ZC2HC1B: variants seen among roughly 807,000 people sequenced by gnomAD.
ZC2HC1B encodes the protein zinc finger C2HC-type containing 1B, also known as zinc finger C2HC domain-containing protein 1B.
A neutral mutation model predicts 31.0 loss-of-function variants in ZC2HC1B; 36 were observed. The observed-to-expected ratio is 1.16, with a 90% CI of 0.89 to 1.54. The LOEUF is 1.54. Ranked by LOEUF, ZC2HC1B falls within the 40% of genes most tolerant of loss-of-function variation. The pLI, the probability that ZC2HC1B is intolerant of heterozygous loss-of-function variation, is 0.00. For missense variants in ZC2HC1B, 260 were observed against 268.6 expected (o/e 0.97, Z 0.22); for synonymous variants, 73 against 88.0 (o/e 0.83, Z 0.95).
At position 143,879,553 on chromosome 6, in the gene ZC2HC1B, T is replaced by C. The variant is rs552232136; in HGVS notation, c.29-4751T>C. The stretch of plus-strand genomic sequence containing the variant: ...GATATTGCTAAATATTTGCATGTTC[T>C]GGACTGCAAAGAACTGAAGAGTTCT... On this transcript the variant is annotated intron_variant, in intron 1 of 7. Transcript: ENST00000237275. Among the ~76,000 whole-genome samples, 316 of 152,336 alleles carry C rather than the reference T, an allele frequency of 2.1e-3. 2 individuals carry two copies. Among genetic ancestry groups the C allele is most frequent in the Middle Eastern group, 0.014 (4 of 294 alleles).
intron 6 of ZC2HC1B, among the ~76,000 whole-genome samples, chr6:143,904,240 G>T (rs1051830370): frequency 6.6e-6 from 1 of 152,144 alleles, no homozygotes; most frequent in African/African-American, 2.4e-5. Flanking sequence ...TGTTTTTGTT[G>T]TTGACTTTTA....
intron 1 of ZC2HC1B, among the ~76,000 whole-genome samples, chr6:143,873,403 G>A (rs1777367562): frequency 6.6e-6 from 1 of 152,210 alleles, no homozygotes; most frequent in South Asian, 2.1e-4. Context: ...CAAGCTGTCA[G>A]TGGATCTACC....
intron 1 of ZC2HC1B, among the ~76,000 whole-genome samples, chr6:143,866,062 G>A (rs1218941228): frequency 6.6e-6 from 1 of 152,130 alleles, no homozygotes; most frequent in African/African-American, 2.4e-5. Flanking sequence ...TGATCCGCCC[G>A]CCTCGGCCTC....
rs1187839753 is a variant in ZC2HC1B at position 143,899,449 on chromosome 6, C to T, written c.489+758C>T. Among the ~76,000 whole-genome samples the T allele has an allele frequency of 6.6e-6, 1 of 152,210 alleles. No individual in the cohort carries two copies. Among genetic ancestry groups the T allele is most frequent in the African/African-American group, 2.4e-5 (1 of 41,458 alleles). ...GGAGTGCAATGGTGTAATCATGGCT[C>T]ATTGCAGCTTTGACCTCCCAGGTGC... is the stretch of plus-strand genomic sequence containing the variant. On this transcript the variant is annotated intron_variant, in intron 5 of 7. Coordinates refer to ENST00000237275, the MANE Select transcript of ZC2HC1B (RefSeq NM_001013623.3). The surrounding 1 kb of genome is among the most constrained non-coding windows in gnomAD (Gnocchi z 5.0).
At position 143,887,043 on chromosome 6, in the gene ZC2HC1B, T is replaced by G. The variant is rs1218738978; in HGVS notation, c.349+222T>G. Among the ~76,000 whole-genome samples the G allele has an allele frequency of 6.6e-6, 1 of 152,170 alleles. No homozygotes were observed. Among genetic ancestry groups the G allele is most frequent in the African/African-American group, 2.4e-5 (1 of 41,442 alleles). Reference sequence around the variant, plus strand: ...ACACCACTGTAGCTGTGCTGTAGTATTACATGACTCCAAGAAACACCAGAC... The same window carrying G: ...ACACCACTGTAGCTGTGCTGTAGTAGTACATGACTCCAAGAAACACCAGAC... On this transcript the variant is annotated intron_variant, in intron 4 of 7. Coordinates refer to ENST00000237275, the MANE Select transcript of ZC2HC1B (RefSeq NM_001013623.3). The surrounding 1 kb of genome is among the most constrained non-coding windows in gnomAD (Gnocchi z 5.1).
chr6:143,884,180 C>T lies in ZC2HC1B; in HGVS notation c.29-124C>T, dbSNP rs1248573818. The T allele has an allele frequency of 2.6e-6, 2 of 773,688 alleles. No individual in the cohort carries two copies. The highest frequency in any genetic ancestry group is 3.9e-6 in the Non-Finnish European group (2 of 507,118). 47.9% of individuals were successfully genotyped at this position (773,688 alleles called of 1,614,324 possible). A position where few individuals can be genotyped will look rare whatever the true frequency, so the allele number is the denominator to read the frequency against. On this transcript the variant is annotated intron_variant, in intron 1 of 7. Coordinates refer to ENST00000237275, the MANE Select transcript of ZC2HC1B (RefSeq NM_001013623.3). This position sits in a 1 kb window ranked among gnomAD's most constrained non-coding sequence, Gnocchi z 5.1. Reference sequence around the variant, plus strand: ...ACAGGGTCTTCCCAAAGGGAAGAAGCAGTTGGTGGGGAGGGAAAAGAGAGT... The same window carrying T: ...ACAGGGTCTTCCCAAAGGGAAGAAGTAGTTGGTGGGGAGGGAAAAGAGAGT...
At chr6:143,893,416 A>C (rs1425177572) in intron 4 of ZC2HC1B, among the ~76,000 whole-genome samples, 1 of 151,978 alleles carries the variant, frequency 6.6e-6, no homozygotes, top group Non-Finnish European at 1.5e-5. Context: ...AATACAAAAA[A>C]AATTAGCCAG....
chr6:143,874,540 C>T (rs1226903944), intron 1 of ZC2HC1B, among the ~76,000 whole-genome samples: 2 of 152,176 alleles, frequency 1.3e-5, no homozygotes, highest in Non-Finnish European at 2.9e-5. Flanking sequence ...ACTTACAGTA[C>T]CACATGGCTG....
rs752334955 is a variant in ZC2HC1B at position 143,898,653 on chromosome 6, C to G, written c.451C>G (p.Pro151Ala). The G allele has an allele frequency of 1.3e-6, 2 of 1,551,928 alleles. No homozygotes were observed. The highest frequency in any genetic ancestry group is 2.7e-5 in the African/African-American group (2 of 73,050). ...TCAGTCTTCTCGCCGAGTCTTTAAT[C>G]CAGCTCAGACAGCAGCCAAATTGGC... ...KDQSSRRVFNPAQTAAKLASR... is the reference protein window; with the variant it reads ...KDQSSRRVFNAAQTAAKLASR... Residue 151 changes from proline (P) to alanine (A), a missense_variant, in exon 5 of 8, where the codon CCA becomes GCA. Physicochemically the swap from Pro to Ala is conservative, Grantham distance 27. Transcript: ENST00000237275.
At chr6:143,916,478 C>T (rs62427072) in intron 6 of ZC2HC1B, among the ~76,000 whole-genome samples, 18,334 of 152,152 alleles carry the variant, frequency 0.12, 1,544 homozygotes, top group East Asian at 0.46. Flanking sequence ...GGCTGGCTGC[C>T]GTCCTCCAGA....
intron 6 of ZC2HC1B, among the ~76,000 whole-genome samples, chr6:143,919,243 G>GTA (rs1260855691): frequency 6.7e-6 from 1 of 148,532 alleles, no homozygotes; most frequent in Non-Finnish European, 1.5e-5. Flanking sequence ...GTGTGTGTGT[G>GTA]TGTGTGTGTG....
At position 143,922,394 on chromosome 6, in the gene ZC2HC1B, C is replaced by T. The variant is rs1777993437; in HGVS notation, c.599-15255C>T. On this transcript the variant is annotated intron_variant, in intron 6 of 7. Coordinates refer to ENST00000237275, the MANE Select transcript of ZC2HC1B (RefSeq NM_001013623.3). This position sits in a 1 kb window ranked among gnomAD's most constrained non-coding sequence, Gnocchi z 5.0. Reference sequence around the variant, plus strand: ...ATTGTTGTTAACTGCAGTCACCCTACTGTGCTATCAAACACTAGAACTTAT... The same window carrying T: ...ATTGTTGTTAACTGCAGTCACCCTATTGTGCTATCAAACACTAGAACTTAT... Among the ~76,000 whole-genome samples, 2 of 152,168 alleles carry T rather than the reference C, an allele frequency of 1.3e-5. No homozygotes were observed. The highest frequency in any genetic ancestry group is 1.3e-4 in the Admixed American group (2 of 15,284).
In ZC2HC1B at chr6:143,902,947, T is replaced by C. The variant is rs74324935; in HGVS notation, c.490-97T>C. 1,236 of 1,109,480 alleles carry C rather than the reference T, an allele frequency of 1.1e-3. 19 individuals are homozygous for C. In the East Asian group the frequency reaches 0.028, roughly 26 times the overall value. The allele number at this position is 1,109,480 out of a possible 1,614,324, so 68.7% of individuals were successfully genotyped here. On this transcript the variant is annotated intron_variant, in intron 5 of 7. Transcript: ENST00000237275. Reference sequence around the variant, plus strand: ...GGAGTCCCTGCAGATGATACCATTCTGCTGCTGGTTAAGTGGGAACAGCTG... The same window carrying C: ...GGAGTCCCTGCAGATGATACCATTCCGCTGCTGGTTAAGTGGGAACAGCTG...
intron 6 of ZC2HC1B, among the ~76,000 whole-genome samples, chr6:143,925,165 CTTTTTTTTTT>C (rs71024879): frequency 7.7e-5 from 8 of 104,192 alleles, no homozygotes; most frequent in Non-Finnish European, 1.1e-4. Flanking sequence ...AATCTCATTC[CTTTTTTTTTT>C]TTTTTTTTTT....
intron 1 of ZC2HC1B, among the ~76,000 whole-genome samples, chr6:143,866,399 C>T (rs1014909341): frequency 6.6e-5 from 10 of 152,276 alleles, no homozygotes; most frequent in African/African-American, 2.4e-4. Flanking sequence ...CCCTCGTGAT[C>T]ACATGGCTGA....
rs896691928 is a variant in ZC2HC1B, at chr6:143,918,683, A to T, written c.598+15531A>T. ...GCTCCTTCAGGTATTCCCACAATGC[A>T]TATGTTGGTCAGTTTGACAGTGTCC... On this transcript the variant is annotated intron_variant, in intron 6 of 7. Coordinates refer to ENST00000237275, the MANE Select transcript of ZC2HC1B (RefSeq NM_001013623.3). This position sits in a 1 kb window ranked among gnomAD's most constrained non-coding sequence, Gnocchi z 4.1. Among the ~76,000 whole-genome samples the T allele has an allele frequency of 6.6e-6, 1 of 152,040 alleles. No individual in the cohort carries two copies. The highest frequency in any genetic ancestry group is 1.5e-5 in the Non-Finnish European group (1 of 68,010).
chr6:143,898,830 G>A (rs141717330), intron 5 of ZC2HC1B, 139 bp downstream of exon 5: 131 of 1,123,380 alleles, frequency 1.2e-4, no homozygotes, highest in Non-Finnish European at 1.5e-4. Context: ...GCTCACCCCT[G>A]TGGGAGCTGA....
At position 143,921,341 on chromosome 6, in the gene ZC2HC1B, G is replaced by T. The variant is rs911982171; in HGVS notation, c.599-16308G>T. Among the ~76,000 whole-genome samples, 4 of 152,082 alleles carry T rather than the reference G, an allele frequency of 2.6e-5. No individual in the cohort carries two copies. The highest frequency in any genetic ancestry group is 9.7e-5 in the African/African-American group (4 of 41,412). ...TCATTCGTCTCTCATGTACCAAAAA[G>T]AAATGGAATATAAGTTTCAAGAAAG... On this transcript the variant is annotated intron_variant, in intron 6 of 7. Transcript: ENST00000237275. This position sits in a 1 kb window ranked among gnomAD's most constrained non-coding sequence, Gnocchi z 6.1.
At chr6:143,894,879 C>T (rs912817024) in intron 4 of ZC2HC1B, among the ~76,000 whole-genome samples, 4 of 152,128 alleles carry the variant, frequency 2.6e-5, no homozygotes, top group African/African-American at 4.8e-5. Context: ...TGGATCTAAC[C>T]GTGACTTGGA....
Sources: allele counts gnomAD v4.1 joint callset (sites outside exome capture counted in the v4.1 genomes callset), GRCh38; gene constraint gnomAD v4.1.1; non-coding constraint Gnocchi (gnomAD v3.1); transcripts MANE v1.5; gene names NCBI Gene and HGNC (gene_info 2026-07-23, HGNC 2026-07-21).